Variants in LINGO2 observed in about 807,000 individuals in gnomAD.
The protein encoded by LINGO2 is leucine-rich repeat and immunoglobulin-like domain-containing nogo receptor-interacting protein 2.
In LINGO2, 14 loss-of-function variants were observed where a neutral mutation model predicts 30.6. The observed-to-expected ratio is 0.46, with a 90% CI of 0.30 to 0.72. The LOEUF is 0.72. Among genes scored for constraint, LINGO2 ranks in the 30% least tolerant of loss-of-function variants. The pLI, the probability that LINGO2 is intolerant of heterozygous loss-of-function variation, is 0.07. For missense variants in LINGO2, 729 were observed against 751.7 expected, an observed-to-expected ratio of 0.97 and a Z score of 0.35; for synonymous variants, 317 against 288.5, an observed-to-expected ratio of 1.10 and a Z score of -1.00.
chr9:28,834,700 G>C, the LINGO2 span, among the ~76,000 whole-genome samples: 1 of 152,064 alleles, frequency 6.6e-6, no homozygotes, highest in Admixed American at 6.6e-5. Context: ...TACACTAACT[G>C]GTCTTGAAGA....
chr9:28,753,740 G>C, the LINGO2 span, among the ~76,000 whole-genome samples: 2 of 151,990 alleles, frequency 1.3e-5, no homozygotes, highest in African/African-American at 4.8e-5. Context: ...TTATATAAGA[G>C]AGAGCTGTGT....
At chr9:28,327,895 G>T (rs978832039) in intron 3 of LINGO2, among the ~76,000 whole-genome samples, 13 of 151,980 alleles carry the variant, frequency 8.6e-5, no homozygotes, top group Non-Finnish European at 1.0e-4. Flanking sequence ...AGGAAGGAAG[G>T]CAAGGAGAAA....
chr9:28,303,746 G>A (rs906699581), intron 3 of LINGO2, among the ~76,000 whole-genome samples: 13 of 151,956 alleles, frequency 8.6e-5, no homozygotes, highest in African/African-American at 2.7e-4. Flanking sequence ...TTATCATAAA[G>A]GTCTTCATCT....
the LINGO2 span, among the ~76,000 whole-genome samples, chr9:28,869,491 T>G: frequency 6.6e-6 from 1 of 151,962 alleles, no homozygotes; most frequent in African/African-American, 2.4e-5. Flanking sequence ...AAAACAGTAC[T>G]TGCGAAATTC....
intron 2 of LINGO2, among the ~76,000 whole-genome samples, chr9:28,431,803 C>G (rs1026068972): frequency 3.9e-5 from 6 of 152,250 alleles, no homozygotes; most frequent in African/African-American, 7.2e-5. Context: ...AATGTTTTAT[C>G]CAAAGTGAAT....
chr9:28,719,762 G>A, the LINGO2 span, among the ~76,000 whole-genome samples: 1 of 151,860 alleles, frequency 6.6e-6, no homozygotes, highest in Non-Finnish European at 1.5e-5. Flanking sequence ...TAAGATGCAG[G>A]TCCATAGCTT....
At chr9:28,031,043 CT>C (rs1823644214) in intron 4 of LINGO2, among the ~76,000 whole-genome samples, 3 of 152,136 alleles carry the variant, frequency 2.0e-5, no homozygotes, top group South Asian at 2.1e-4. Context: ...TTTCCCAATT[CT>C]AATATTGATT....
the LINGO2 span, among the ~76,000 whole-genome samples, chr9:28,749,327 T>C: frequency 6.6e-6 from 1 of 152,054 alleles, no homozygotes; most frequent in African/African-American, 2.4e-5. Context: ...TAGCATCCTA[T>C]TCCCCCATGC....
At chr9:28,725,571 A>G in the LINGO2 span, among the ~76,000 whole-genome samples, 1 of 145,408 alleles carries the variant, frequency 6.9e-6, no homozygotes, top group East Asian at 2.0e-4. Context: ...GAATAAAAAG[A>G]AAAAAAAAAA....
the LINGO2 span, among the ~76,000 whole-genome samples, chr9:28,704,349 GA>G: frequency 1.3e-5 from 2 of 151,692 alleles, no homozygotes; most frequent in Admixed American, 1.3e-4. Context: ...TATTTTTCAA[GA>G]TTTTTTTCTT....
chr9:29,127,677 G>T, the LINGO2 span, among the ~76,000 whole-genome samples: 94 of 151,966 alleles, frequency 6.2e-4, no homozygotes, highest in Admixed American at 1.1e-3. Flanking sequence ...AGTAATTGAG[G>T]GCAACCGGCT....
At chr9:28,646,187 C>T (rs1044146887) in intron 1 of LINGO2, among the ~76,000 whole-genome samples, 16 of 151,988 alleles carry the variant, frequency 1.1e-4, no homozygotes, top group African/African-American at 3.9e-4. Flanking sequence ...GCATCACATG[C>T]TTAGTTATTT....
intron 4 of LINGO2, among the ~76,000 whole-genome samples, chr9:28,265,460 A>G (rs1457340192): frequency 6.6e-6 from 1 of 152,044 alleles, no homozygotes; most frequent in African/African-American, 2.4e-5. Context: ...TATGATAGGG[A>G]CAGTGGACAA....
the LINGO2 span, among the ~76,000 whole-genome samples, chr9:28,961,985 C>G: frequency 2.0e-5 from 3 of 152,122 alleles, no homozygotes; most frequent in Non-Finnish European, 4.4e-5. Context: ...ACTTTGGAGT[C>G]TCTTTTCCAA....
chr9:28,236,235 T>C (rs545528868), intron 4 of LINGO2, among the ~76,000 whole-genome samples: 1 of 152,134 alleles, frequency 6.6e-6, no homozygotes, highest in Non-Finnish European at 1.5e-5. Context: ...TTGGTAAAAA[T>C]ATTCTTTAAG....
chr9:28,768,195 T>C, the LINGO2 span, among the ~76,000 whole-genome samples: 1 of 152,226 alleles, frequency 6.6e-6, no homozygotes, highest in Admixed American at 6.5e-5. Context: ...TTCTCGTTGT[T>C]AGTTTACAAT....
the LINGO2 span, among the ~76,000 whole-genome samples, chr9:28,897,589 T>A: frequency 6.6e-6 from 1 of 152,164 alleles, no homozygotes; most frequent in African/African-American, 2.4e-5. Context: ...GTATTCTTGA[T>A]CCAGGCTTCC....
chr9:29,126,880 A>C, the LINGO2 span, among the ~76,000 whole-genome samples: 1 of 152,084 alleles, frequency 6.6e-6, no homozygotes. Flanking sequence ...CCCAAGTAAC[A>C]AAATGATCAG....
At chr9:28,172,115 G>A (rs1483452610) in intron 4 of LINGO2, among the ~76,000 whole-genome samples, 3 of 149,638 alleles carry the variant, frequency 2.0e-5, no homozygotes, top group South Asian at 2.1e-4. Flanking sequence ...TTCACGGCCC[G>A]GCGCGGTGGC....
Sources: allele counts gnomAD v4.1 joint callset (sites outside exome capture counted in the v4.1 genomes callset), GRCh38; gene constraint gnomAD v4.1.1; transcripts MANE v1.5; gene names NCBI Gene and HGNC (gene_info 2026-07-23, HGNC 2026-07-21).